The following NTNG1 variants were observed in gnomAD, a reference collection of about 807,000 sequenced individuals.
The protein encoded by NTNG1 is netrin G1, also known as netrin-G1.
In NTNG1, 16 loss-of-function variants were observed where a neutral mutation model predicts 54.0. That is an observed-to-expected ratio of 0.30 (90% confidence interval 0.20 to 0.45). The LOEUF is 0.45. Ranked by LOEUF, NTNG1 falls within the 20% of genes least tolerant of loss-of-function variation. NTNG1 has a pLI of 1.00. For missense variants in NTNG1, 530 were observed against 678.7 expected (o/e 0.78, Z 2.43); for synonymous variants, 255 against 263.1 (o/e 0.97, Z 0.30).
chr1:107,363,488 T>C (rs1402963586), intron 3 of NTNG1, among the ~76,000 whole-genome samples: 1 of 152,224 alleles, frequency 6.6e-6, no homozygotes, highest in Non-Finnish European at 1.5e-5. Flanking sequence ...CATCTCCTTA[T>C]CTGAACCATA....
intron 2 of NTNG1, among the ~76,000 whole-genome samples, chr1:107,291,748 A>T (rs775011336): frequency 6.6e-6 from 1 of 152,192 alleles, no homozygotes; most frequent in Non-Finnish European, 1.5e-5. Context: ...ATTTAGTTGG[A>T]TGTGAATACA....
intron 3 of NTNG1, among the ~76,000 whole-genome samples, chr1:107,336,418 A>C (rs937342610): frequency 1.3e-5 from 2 of 151,856 alleles, no homozygotes; most frequent in Admixed American, 6.6e-5. Flanking sequence ...ATGCAAGAAA[A>C]ACAAACCAAA....
At chr1:107,428,248 G>C (rs1242346457) in intron 5 of NTNG1, among the ~76,000 whole-genome samples, 3 of 152,062 alleles carry the variant, frequency 2.0e-5, no homozygotes, top group African/African-American at 7.2e-5. Flanking sequence ...TACCTGCCCT[G>C]AGGAAGATTC....
At chr1:107,376,437 A>AAAAAAAC (rs1671267462) in intron 3 of NTNG1, among the ~76,000 whole-genome samples, 1 of 150,604 alleles carries the variant, frequency 6.6e-6, no homozygotes, top group African/African-American at 2.4e-5. Flanking sequence ...AACAAAAAAA[A>AAAAAAAC]AAAATTTGCT....
At chr1:107,263,297 C>CTTCT (rs1464876145) in intron 2 of NTNG1, among the ~76,000 whole-genome samples, 1 of 128,992 alleles carries the variant, frequency 7.8e-6, no homozygotes, top group Non-Finnish European at 1.8e-5. Context: ...TCCTTCCTTC[C>CTTCT]TTCCTTCCTT....
At chr1:107,220,830 A>C (rs1204861368) in intron 2 of NTNG1, among the ~76,000 whole-genome samples, 1 of 152,212 alleles carries the variant, frequency 6.6e-6, no homozygotes, top group Admixed American at 6.5e-5. Flanking sequence ...CCTGTGGAAA[A>C]GGGAAAAATA....
intron 2 of NTNG1, among the ~76,000 whole-genome samples, chr1:107,260,483 A>G (rs1405653392): frequency 6.6e-6 from 1 of 152,200 alleles, no homozygotes; most frequent in Non-Finnish European, 1.5e-5. Flanking sequence ...CAGCCTTCAT[A>G]GAATGATATT....
chr1:107,432,818 A>G (rs925099316), intron 6 of NTNG1, among the ~76,000 whole-genome samples: 3 of 152,160 alleles, frequency 2.0e-5, no homozygotes. Context: ...TTATCAGGTA[A>G]CTTAACAATA....
chr1:107,278,253 T>C (rs1350629460), intron 2 of NTNG1, among the ~76,000 whole-genome samples: 5 of 152,216 alleles, frequency 3.3e-5, no homozygotes, highest in Admixed American at 3.3e-4. Context: ...AATTATCTCT[T>C]AGAGACTACA....
chr1:107,207,603 C>G (rs1159457899), intron 2 of NTNG1, among the ~76,000 whole-genome samples: 1 of 152,108 alleles, frequency 6.6e-6, no homozygotes, highest in Non-Finnish European at 1.5e-5. Context: ...TGTTTAGTAC[C>G]TAAGGTATAA....
intron 5 of NTNG1, among the ~76,000 whole-genome samples, chr1:107,430,327 T>G (rs1266164001): frequency 6.6e-6 from 1 of 152,152 alleles, no homozygotes; most frequent in Admixed American, 6.6e-5. Context: ...AGACTCTCAA[T>G]GCTCACACAG....
At chr1:107,434,426 C>T (rs538748583) in intron 6 of NTNG1, among the ~76,000 whole-genome samples, 81 of 152,262 alleles carry the variant, frequency 5.3e-4, no homozygotes, top group African/African-American at 1.9e-3. Flanking sequence ...ATGAAGATGA[C>T]ATCCTTGCAT....
intron 5 of NTNG1, among the ~76,000 whole-genome samples, chr1:107,411,598 T>C (rs536346379): frequency 3.9e-5 from 6 of 152,276 alleles, no homozygotes; most frequent in African/African-American, 9.6e-5. Context: ...GGTTTTTTTT[T>C]CCCCTTTGCT....
At chr1:107,397,162 C>A (rs971044852) in intron 4 of NTNG1, among the ~76,000 whole-genome samples, 17 of 152,260 alleles carry the variant, frequency 1.1e-4, no homozygotes, top group African/African-American at 3.9e-4. Context: ...AATTGTCCAC[C>A]TATCCCTTAG....
Position 107,437,702 on chromosome 1 carries a change from A to G in NTNG1, c.1390+903A>G, listed in dbSNP as rs6678058. On this transcript the variant is annotated intron_variant, in intron 7 of 7. Transcript: ENST00000370068. ...GAAATAAGATAAATTAATTTTAATA[A>G]CTATTATATTTAGCTCAAATTATAT... Among the ~76,000 whole-genome samples, 809 of 152,282 alleles carry G rather than the reference A, an allele frequency of 5.3e-3. 11 individuals are homozygous for G. Among genetic ancestry groups the G allele is most frequent in the African/African-American group, 0.018 (731 of 41,570 alleles).
At chr1:107,160,295 C>T (rs184306454) in intron 2 of NTNG1, among the ~76,000 whole-genome samples, 97 of 152,178 alleles carry the variant, frequency 6.4e-4, no homozygotes, top group African/African-American at 2.2e-3. Context: ...TCTAAGAATC[C>T]TCCTTAACTC....
chr1:107,170,087 A>G (rs2101087009), intron 2 of NTNG1, among the ~76,000 whole-genome samples: 1 of 152,288 alleles, frequency 6.6e-6, no homozygotes, highest in East Asian at 1.9e-4. Context: ...TCACATCTAT[A>G]AAATATCTTC....
intron 6 of NTNG1, among the ~76,000 whole-genome samples, chr1:107,431,233 G>C (rs1446381907): frequency 6.6e-6 from 1 of 151,952 alleles, no homozygotes; most frequent in East Asian, 1.9e-4. Flanking sequence ...ATTCTGAACT[G>C]ATCTTATAGC....
At chr1:107,447,737 T>A (rs1676393975) in intron 7 of NTNG1, among the ~76,000 whole-genome samples, 2 of 152,084 alleles carry the variant, frequency 1.3e-5, no homozygotes. Flanking sequence ...GAGATCATAC[T>A]CTACTCTACA....
Sources: allele counts gnomAD v4.1 joint callset (sites outside exome capture counted in the v4.1 genomes callset), GRCh38; gene constraint gnomAD v4.1.1; transcripts MANE v1.5; gene names NCBI Gene and HGNC (gene_info 2026-07-23, HGNC 2026-07-21).